The following EPHA4 variants were observed in gnomAD, a reference collection of about 807,000 sequenced individuals.
The protein encoded by EPHA4 is EPH receptor A4.
In EPHA4, 19 loss-of-function variants were observed where a neutral mutation model predicts 108.3. The observed-to-expected ratio is 0.18, with a 90% confidence interval of 0.12 to 0.26. EPHA4 has a LOEUF of 0.26. Among genes scored for constraint, EPHA4 ranks in the 10% least tolerant of loss-of-function variants. The pLI is 1.00. For synonymous variants in EPHA4, 449 were observed against 455.5 expected (o/e 0.99, Z 0.18); for missense variants, 917 against 1,254.0 (o/e 0.73, Z 4.06).
Position 221,482,441 on chromosome 2 carries a change from G to A in EPHA4, c.1229C>T (p.Thr410Ile). The change falls in exon 5 of 18, where the codon ACC becomes ATC. Residue 410 changes from threonine (T) to isoleucine (I), a missense_variant. Transcript: ENST00000281821. ...TCCATTCACAGCCCAGATTTCAAAG[G>A]TGTAATTGGTATGAGCTAGGAGGTC... is the stretch of plus-strand genomic sequence containing the variant. ...ITDLLAHTNY[T>I]FEIWAVNGVS... 1 of 1,614,088 alleles carries A rather than the reference G, an allele frequency of 6.2e-7. No individual in the cohort carries two copies.
intron 3 of EPHA4, among the ~76,000 whole-genome samples, chr2:221,560,044 A>C (rs1694414946): frequency 2.0e-5 from 3 of 152,194 alleles, no homozygotes; most frequent in Admixed American, 2.0e-4. Flanking sequence ...TCTGTCCCCA[A>C]GGTCCTTTGA....
chr2:221,474,300 GTTTAT>G (rs948192559), intron 5 of EPHA4, among the ~76,000 whole-genome samples: 7 of 151,724 alleles, frequency 4.6e-5, no homozygotes, highest in African/African-American at 9.7e-5. Context: ...ATATCTGCTG[GTTTAT>G]TTTATTTTTA....
chr2:221,559,040 ATT>A, intron 3 of EPHA4, among the ~76,000 whole-genome samples: 1 of 151,892 alleles, frequency 6.6e-6, no homozygotes, highest in South Asian at 2.1e-4. Context: ...AAAAGAAATC[ATT>A]TTTTTTGACA....
At chr2:221,529,194 A>G (rs1190911953) in intron 3 of EPHA4, among the ~76,000 whole-genome samples, 1 of 152,190 alleles carries the variant, frequency 6.6e-6, no homozygotes, top group Non-Finnish European at 1.5e-5. Context: ...CAGAAAAAAA[A>G]AGATTTCAGA....
chr2:221,474,730 A>T (rs1691606983), intron 5 of EPHA4, among the ~76,000 whole-genome samples: 1 of 152,102 alleles, frequency 6.6e-6, no homozygotes, highest in Non-Finnish European at 1.5e-5. Flanking sequence ...GGAGTTCTTC[A>T]TTTTCTCGAT....
Position 221,418,214 on chromosome 2 carries a change from T to C in EPHA4, c.*3158A>G, listed in dbSNP as rs1689635747. On this transcript the variant is annotated 3_prime_UTR_variant, in exon 18 of 18. Coordinates refer to ENST00000281821, the MANE Select transcript of EPHA4 (RefSeq NM_004438.5). ...AAATTAAAACAAAATAGAAAATCTA[T>C]GTCTAACTCCAGAAATCACTCAAAG... 6.6e-6 allele frequency: 1 copy of C among 152,646 alleles called. No homozygotes were observed. Among genetic ancestry groups the C allele is most frequent in the Non-Finnish European group, 1.5e-5 (1 of 68,046 alleles). 9.5% of individuals were successfully genotyped at this position (152,646 alleles called of 1,614,324 possible).
chr2:221,479,166 T>C (rs1691746956), intron 5 of EPHA4, among the ~76,000 whole-genome samples: 1 of 152,208 alleles, frequency 6.6e-6, no homozygotes, highest in Admixed American at 6.5e-5. Flanking sequence ...GCTGAATACA[T>C]GAATGCCATT....
At chr2:221,428,508 G>A (rs868719517) in intron 15 of EPHA4, among the ~76,000 whole-genome samples, 2 of 152,204 alleles carry the variant, frequency 1.3e-5, no homozygotes, top group South Asian at 2.1e-4. Flanking sequence ...GATAGTAGTG[G>A]TTGAATGACT....
In EPHA4 at chr2:221,563,923, G is replaced by C; in HGVS notation, c.631C>G (p.Leu211Val). 6.2e-7 allele frequency: 1 copy of C among 1,614,230 alleles called. No individual in the cohort carries two copies. The highest frequency in any genetic ancestry group is 8.5e-7 in the Non-Finnish European group (1 of 1,180,056). ...YKKCPLTVRN[L>V]AQFPDTITGA... Reference sequence around the variant, plus strand: ...GTGATGGTGTCAGGAAACTGGGCCAGATTGCGGACTGTGAGTGGACACTTT... The same window carrying C: ...GTGATGGTGTCAGGAAACTGGGCCACATTGCGGACTGTGAGTGGACACTTT... Residue 211 changes from leucine to valine, a missense_variant, in exon 3 of 18, where the codon CTG (leucine) becomes GTG (valine). Around this residue, in one of 3 missense-constraint regions of EPHA4, gnomAD observed 758 missense variants for 1,076.7 expected, o/e 0.70. Coordinates refer to ENST00000281821, the MANE Select transcript of EPHA4 (RefSeq NM_004438.5).
At chr2:221,557,921 T>G (rs1694351384) in intron 3 of EPHA4, among the ~76,000 whole-genome samples, 1 of 152,226 alleles carries the variant, frequency 6.6e-6, no homozygotes, top group African/African-American at 2.4e-5. Flanking sequence ...GCAAGGTTAA[T>G]CATTCAATGT....
intron 3 of EPHA4, among the ~76,000 whole-genome samples, chr2:221,550,951 CCT>C (rs1437265144): frequency 6.6e-6 from 1 of 151,924 alleles, no homozygotes; most frequent in African/African-American, 2.4e-5. Context: ...AACATTCACT[CCT>C]CTGAGAAGTG....
At position 221,474,649 on chromosome 2, in the gene EPHA4, C is replaced by T. The variant is rs148790213; in HGVS notation, c.1318+7703G>A. 1.7e-3 allele frequency among the ~76,000 whole-genome samples: 259 copies of T among 152,200 alleles called. 1 individual carries two copies. The highest frequency in any genetic ancestry group is 5.8e-3 in the African/African-American group (241 of 41,540). On this transcript the variant is annotated intron_variant, in intron 5 of 17. Transcript: ENST00000281821. Reference sequence around the variant, plus strand: ...CTAACAACTGAGGATGCGCAAACAACGTTTCAGCAAAATCTCTCAGTGGAA... The same window carrying T: ...CTAACAACTGAGGATGCGCAAACAATGTTTCAGCAAAATCTCTCAGTGGAA...
intron 3 of EPHA4, among the ~76,000 whole-genome samples, chr2:221,534,704 T>C (rs1411711260): frequency 6.6e-6 from 1 of 152,240 alleles, no homozygotes; most frequent in African/African-American, 2.4e-5. Context: ...ACTAGGGCTG[T>C]CACATTTAGC....
intron 4 of EPHA4, among the ~76,000 whole-genome samples, chr2:221,494,362 G>A (rs543832658): frequency 6.6e-6 from 1 of 152,354 alleles, no homozygotes; most frequent in African/African-American, 2.4e-5. Flanking sequence ...CCAGCACTCT[G>A]GGAGGCCTAG....
At chr2:221,568,825 C>G in intron 1 of EPHA4, 40 bp from the exon 2 acceptor site, 1 of 1,565,312 alleles carries the variant, frequency 6.4e-7, no homozygotes, top group East Asian at 2.2e-5. Context: ...TTTCCAATTG[C>G]AAAAAGCCAA....
At chr2:221,568,240 T>A (rs1694726416) in intron 2 of EPHA4, among the ~76,000 whole-genome samples, 2 of 152,228 alleles carry the variant, frequency 1.3e-5, no homozygotes, top group African/African-American at 4.8e-5. Flanking sequence ...AGCAGCTGAT[T>A]TAAGAGTGAG....
At chr2:221,486,334 T>C (rs1010247237) in intron 4 of EPHA4, among the ~76,000 whole-genome samples, 1 of 152,172 alleles carries the variant, frequency 6.6e-6, no homozygotes, top group African/African-American at 2.4e-5. Context: ...GACATTTCAG[T>C]TCCTTATTTC....
intron 6 of EPHA4, among the ~76,000 whole-genome samples, chr2:221,457,189 T>C (rs1690984283): frequency 6.6e-6 from 1 of 152,194 alleles, no homozygotes; most frequent in African/African-American, 2.4e-5. Context: ...TCCTGTCCCT[T>C]TTCTACTTTT....
At position 221,492,513 on chromosome 2, in the gene EPHA4, C is replaced by T. The variant is rs1232784214; in HGVS notation, c.979+8504G>A. Among the ~76,000 whole-genome samples, 4 of 152,052 alleles carry T rather than the reference C, an allele frequency of 2.6e-5. No homozygotes were observed. The East Asian group carries it at 7.7e-4, about 29-fold the overall frequency. ...GAAGCTCACCTGGTGATCTTTCTCC[C>T]TTTATCTTTAATTTTCTTCAAACAA... is the stretch of plus-strand genomic sequence containing the variant. On this transcript the variant is annotated intron_variant, in intron 4 of 17. Transcript: ENST00000281821.
Sources: allele counts gnomAD v4.1 joint callset (sites outside exome capture counted in the v4.1 genomes callset), GRCh38; gene constraint gnomAD v4.1.1; regional missense constraint gnomAD v4.1.1; transcripts MANE v1.5; gene names NCBI Gene and HGNC (gene_info 2026-07-23, HGNC 2026-07-21).